Variants in SOX6 observed in about 807,000 individuals in gnomAD.
The protein encoded by SOX6 is transcription factor SOX-6.
In SOX6, 11 loss-of-function variants were observed where a neutral mutation model predicts 97.8. The observed-to-expected ratio is 0.11, with a 90% CI of 0.07 to 0.19. SOX6 has a LOEUF of 0.19. Among genes scored for constraint, SOX6 ranks in the 10% least tolerant of loss-of-function variants. The pLI is 1.00. For synonymous variants in SOX6, 360 were observed against 371.4 expected (o/e 0.97, Z 0.35); for missense variants, 810 against 1,039.5 (o/e 0.78, Z 3.04).
chr11:16,302,440 T>C lies in SOX6; in HGVS notation c.445+16006A>G, dbSNP rs571764664. On this transcript the variant is annotated intron_variant, in intron 3 of 15. Coordinates refer to ENST00000683767, the MANE Select transcript of SOX6 (RefSeq NM_001367873.1). ...GTTCTCTCTACCTGGGATTCCATTA[T>C]ATCTCTTGTTCACTATGATGAGCTT... Among the ~76,000 whole-genome samples, 9 of 152,274 alleles carry C rather than the reference T, an allele frequency of 5.9e-5. No individual in the cohort carries two copies. In the East Asian group the frequency reaches 1.7e-3, roughly 29 times the overall value.
intron 1 of SOX6, among the ~76,000 whole-genome samples, chr11:16,421,176 A>G (rs1032733670): frequency 2.0e-5 from 3 of 152,158 alleles, no homozygotes; most frequent in African/African-American, 4.8e-5. Flanking sequence ...ATTTATAAGT[A>G]CACCAAAATA....
intron 3 of SOX6, chr11:16,316,053 T>G: frequency 6.6e-6 from 1 of 152,158 alleles, no homozygotes; most frequent in East Asian, 1.9e-4. Flanking sequence ...GCAATTTTTT[T>G]GGCAATATTC....
At chr11:16,140,975 G>A (rs539303326) in intron 6 of SOX6, among the ~76,000 whole-genome samples, 1 of 152,252 alleles carries the variant, frequency 6.6e-6, no homozygotes, top group South Asian at 2.1e-4. Flanking sequence ...TCAGCTGGGT[G>A]TCATGGCAGG....
At chr11:16,652,942 A>G (rs1486229708) in intron 3 of SOX6, among the ~76,000 whole-genome samples, 3 of 152,164 alleles carry the variant, frequency 2.0e-5, no homozygotes, top group African/African-American at 7.2e-5. Context: ...CCACATCAAA[A>G]ACTGGGCTAA....
chr11:16,418,944 G>C (rs1044803507), intron 1 of SOX6, among the ~76,000 whole-genome samples: 3 of 152,138 alleles, frequency 2.0e-5, no homozygotes, highest in African/African-American at 7.2e-5. Flanking sequence ...AGTAGAGGCA[G>C]TCCTAGCTGG....
At chr11:16,349,712 G>T (rs867511819) in intron 1 of SOX6, among the ~76,000 whole-genome samples, 2 of 51,652 alleles carry the variant, frequency 3.9e-5, no homozygotes, top group Non-Finnish European at 9.6e-5. Context: ...AAGGAAGGAA[G>T]GAAGAAGGAA....
intron 4 of SOX6, among the ~76,000 whole-genome samples, chr11:16,609,174 T>C (rs72861207): frequency 0.1 from 15,972 of 152,144 alleles, 909 homozygotes; most frequent in Non-Finnish European, 0.14. Flanking sequence ...ATATAAAAGA[T>C]AGATGAGAAA....
At chr11:16,541,522 A>T (rs1487615476) in intron 4 of SOX6, among the ~76,000 whole-genome samples, 1 of 152,246 alleles carries the variant, frequency 6.6e-6, no homozygotes, top group Non-Finnish European at 1.5e-5. Flanking sequence ...CATCAGAGTG[A>T]ACAAGCAACC....
chr11:16,055,604 T>C (rs1847794552), intron 10 of SOX6, 148 bp downstream of exon 10: 1 of 887,296 alleles, frequency 1.1e-6, no homozygotes, highest in East Asian at 2.7e-5. Context: ...CAATGCTCAA[T>C]TATGAAATTT....
chr11:16,132,405 GAAAGA>G (rs1564972376), intron 6 of SOX6, among the ~76,000 whole-genome samples: 2 of 47,606 alleles, frequency 4.2e-5, no homozygotes, highest in South Asian at 7.7e-4. Context: ...AAAGAAAAAA[GAAAGA>G]AAGAAAGAAA....
At chr11:16,321,261 CCA>C (rs1855915968) in intron 2 of SOX6, among the ~76,000 whole-genome samples, 1 of 134,536 alleles carries the variant, frequency 7.4e-6, no homozygotes, top group Non-Finnish European at 1.6e-5. Flanking sequence ...CACATTATGG[CCA>C]AAAAAAAAAA....
intron 4 of SOX6, among the ~76,000 whole-genome samples, chr11:16,201,686 T>A (rs893905051): frequency 7.8e-6 from 1 of 127,690 alleles, no homozygotes; most frequent in African/African-American, 3.0e-5. Context: ...CAGGCTGGAG[T>A]GCAGTGGCGG....
Position 16,166,530 on chromosome 11 carries a change from G to T in SOX6, c.777+17356C>A, listed in dbSNP as rs559449351. The stretch of plus-strand genomic sequence containing the variant: ...ATGTGCAAAGTATCAAACTAGGCAT[G>T]TTGGGAATACAAAAATGAATACGAC... On this transcript the variant is annotated intron_variant, in intron 6 of 15. Transcript: ENST00000683767. Among the ~76,000 whole-genome samples the T allele has an allele frequency of 8.5e-5, 13 of 152,316 alleles. No homozygotes were observed. The East Asian group carries it at 1.7e-3, about 20-fold the overall frequency.
intron 12 of SOX6, among the ~76,000 whole-genome samples, chr11:16,016,512 T>A (rs1004272904): frequency 3.9e-5 from 6 of 151,988 alleles, no homozygotes; most frequent in Non-Finnish European, 8.8e-5. Context: ...AAAACCAAGT[T>A]AAGTATGGTT....
chr11:16,117,245 C>A (rs771281633), intron 6 of SOX6, among the ~76,000 whole-genome samples: 1 of 151,904 alleles, frequency 6.6e-6, no homozygotes, highest in African/African-American at 2.4e-5. Flanking sequence ...CCCAGCTGCT[C>A]GGGAGGCTGA....
intron 4 of SOX6, chr11:16,567,270 C>T (rs529165732): frequency 6.5e-6 from 1 of 153,026 alleles, no homozygotes; most frequent in East Asian, 1.9e-4. Flanking sequence ...ACTTCTAAGA[C>T]AAAAACCATT....
chr11:16,690,853 G>A (rs1848007829), intron 3 of SOX6, among the ~76,000 whole-genome samples: 1 of 152,186 alleles, frequency 6.6e-6, no homozygotes, highest in South Asian at 2.1e-4. Flanking sequence ...ATAGTAACAC[G>A]TTGATTATTG....
At chr11:15,996,404 G>A (rs1022945231) in intron 13 of SOX6, among the ~76,000 whole-genome samples, 6 of 152,110 alleles carry the variant, frequency 3.9e-5, no homozygotes, top group African/African-American at 1.4e-4. Context: ...AGAGGTGGGA[G>A]GATCTCTTGA....
At chr11:16,115,438 G>T (rs1198753903) in intron 6 of SOX6, among the ~76,000 whole-genome samples, 2 of 152,142 alleles carry the variant, frequency 1.3e-5, no homozygotes, top group African/African-American at 2.4e-5. Context: ...TTAAAACACA[G>T]ATTGCTTCCT....
Sources: allele counts gnomAD v4.1 joint callset (sites outside exome capture counted in the v4.1 genomes callset), GRCh38; gene constraint gnomAD v4.1.1; transcripts MANE v1.5; gene names NCBI Gene and HGNC (gene_info 2026-07-23, HGNC 2026-07-21).